Variants in DPYD observed in about 807,000 individuals in gnomAD.
The protein encoded by DPYD is dihydropyrimidine dehydrogenase.
In DPYD, 109 loss-of-function variants were observed where a neutral mutation model predicts 116.2. That is an observed-to-expected ratio of 0.94 (90% CI 0.80 to 1.10). The LOEUF (loss-of-function observed/expected upper bound fraction) is 1.10, where lower values mean the gene tolerates loss of function less well. Among genes scored for constraint, DPYD ranks in the 50% least tolerant of loss-of-function variants. DPYD has a pLI of 0.00. For missense variants in DPYD, 1,302 were observed against 1,254.5 expected (o/e 1.04, Z -0.57); for synonymous variants, 440 against 432.0 (o/e 1.02, Z -0.23).
chr1:97,157,172 C>T (rs867590892), intron 20 of DPYD, among the ~76,000 whole-genome samples: 11 of 150,970 alleles, frequency 7.3e-5, no homozygotes, highest in Non-Finnish European at 5.9e-5. Context: ...TGCTAAATGA[C>T]GAGTTAATGG....
intron 16 of DPYD, among the ~76,000 whole-genome samples, chr1:97,342,022 T>C (rs1310177344): frequency 1.3e-5 from 2 of 152,190 alleles, no homozygotes; most frequent in African/African-American, 2.4e-5. Context: ...TCTCATACTC[T>C]AGTGAGAAGA....
At chr1:97,487,557 C>T (rs1678716758) in intron 13 of DPYD, among the ~76,000 whole-genome samples, 1 of 152,078 alleles carries the variant, frequency 6.6e-6, no homozygotes, top group Admixed American at 6.5e-5. Flanking sequence ...CCTGTAGTCC[C>T]AGCTACTCGG....
At chr1:97,910,481 G>T (rs1673882226) in intron 1 of DPYD, among the ~76,000 whole-genome samples, 1 of 152,002 alleles carries the variant, frequency 6.6e-6, no homozygotes, top group Admixed American at 6.6e-5. Context: ...TATTAAAAAG[G>T]ATGAATCTGT....
intron 1 of DPYD, among the ~76,000 whole-genome samples, chr1:97,886,471 TG>T (rs1406394678): frequency 6.6e-6 from 1 of 152,058 alleles, no homozygotes; most frequent in African/African-American, 2.4e-5. Flanking sequence ...TGATTATCCT[TG>T]CCTCACCTCA....
At chr1:97,908,194 C>CA (rs1673741222) in intron 1 of DPYD, among the ~76,000 whole-genome samples, 1 of 151,906 alleles carries the variant, frequency 6.6e-6, no homozygotes, top group Admixed American at 6.6e-5. Context: ...TACAGGCACA[C>CA]ACCAGCACAC....
At chr1:97,612,139 C>A (rs1037867783) in intron 8 of DPYD, among the ~76,000 whole-genome samples, 6 of 151,792 alleles carry the variant, frequency 4.0e-5, no homozygotes, top group African/African-American at 7.3e-5. Flanking sequence ...GTAGAGAGGG[C>A]AAAATAGACC....
intron 8 of DPYD, among the ~76,000 whole-genome samples, chr1:97,602,802 C>G (rs189891963): frequency 2.6e-5 from 4 of 151,708 alleles, no homozygotes; most frequent in African/African-American, 9.7e-5. Context: ...AAAGAAGTAC[C>G]TTTTTCTTCA....
At chr1:97,721,958 C>T (rs771481555) in intron 4 of DPYD, among the ~76,000 whole-genome samples, 8 of 151,614 alleles carry the variant, frequency 5.3e-5, no homozygotes, top group Non-Finnish European at 1.0e-4. Flanking sequence ...TTTTCATTTA[C>T]AAGTCATCTA....
chr1:97,197,055 C>T (rs1378718917), intron 19 of DPYD, among the ~76,000 whole-genome samples: 4 of 152,124 alleles, frequency 2.6e-5, no homozygotes, highest in African/African-American at 7.2e-5. Flanking sequence ...ATTTTCTATT[C>T]TGAAGTGCTG....
chr1:97,098,871 A>C (rs1309081884), intron 20 of DPYD, among the ~76,000 whole-genome samples: 2 of 152,184 alleles, frequency 1.3e-5, no homozygotes, highest in African/African-American at 4.8e-5. Context: ...TGTATTACAT[A>C]TACAAATGTT....
At chr1:97,282,492 T>C (rs151196577) in intron 18 of DPYD, among the ~76,000 whole-genome samples, 139 of 152,228 alleles carry the variant, frequency 9.1e-4, no homozygotes, top group African/African-American at 3.2e-3. Context: ...CAGAAAATCA[T>C]ATATTTTCTA....
chr1:97,411,693 C>T (rs1674002139), intron 14 of DPYD, among the ~76,000 whole-genome samples: 1 of 152,208 alleles, frequency 6.6e-6, no homozygotes, highest in African/African-American at 2.4e-5. Flanking sequence ...ATTTTTAAAA[C>T]ATCATAGGGT....
At chr1:97,434,712 T>C (rs1333977285) in intron 14 of DPYD, among the ~76,000 whole-genome samples, 1 of 152,088 alleles carries the variant, frequency 6.6e-6, no homozygotes, top group Non-Finnish European at 1.5e-5. Flanking sequence ...AATCTGATGT[T>C]TGGCTTTAAA....
At chr1:97,418,828 A>G (rs965705475) in intron 14 of DPYD, among the ~76,000 whole-genome samples, 1 of 152,172 alleles carries the variant, frequency 6.6e-6, no homozygotes, top group African/African-American at 2.4e-5. Flanking sequence ...TTAGTTTGCC[A>G]GAGTAGACTA....
At chr1:97,245,396 T>A (rs1175753686) in intron 18 of DPYD, among the ~76,000 whole-genome samples, 1 of 152,140 alleles carries the variant, frequency 6.6e-6, no homozygotes, top group Non-Finnish European at 1.5e-5. Flanking sequence ...GCTTTTTGCC[T>A]ACAATTTTAA....
intron 9 of DPYD, among the ~76,000 whole-genome samples, chr1:97,594,281 T>C (rs1381197652): frequency 2.0e-5 from 3 of 152,266 alleles, no homozygotes; most frequent in East Asian, 3.9e-4. Context: ...AGGTGCACTA[T>C]GACCTTCCTC....
chr1:97,491,151 C>A (rs1678952623), intron 13 of DPYD, among the ~76,000 whole-genome samples: 1 of 145,696 alleles, frequency 6.9e-6, no homozygotes, highest in African/African-American at 2.5e-5. Flanking sequence ...AATATAGATA[C>A]TACATAATAA....
chr1:97,877,862 G>A lies in DPYD; in HGVS notation c.150+5402C>T, dbSNP rs950322413. On this transcript the variant is annotated intron_variant, in intron 2 of 22. Transcript: ENST00000370192. ...CCAGTAGCTGGCTATCCATGAAAGC[G>A]TGAATGAGATTGACTGCTAGTTGTA... 3.9e-4 allele frequency among the ~76,000 whole-genome samples: 60 copies of A among 151,936 alleles called. 1 individual carries two copies. Among genetic ancestry groups the A allele is most frequent in the Admixed American group, 3.5e-3 (54 of 15,230 alleles).
At chr1:97,730,378 C>A (rs576269848) in intron 4 of DPYD, among the ~76,000 whole-genome samples, 1 of 152,036 alleles carries the variant, frequency 6.6e-6, no homozygotes, top group Non-Finnish European at 1.5e-5. Context: ...TGCACCATCA[C>A]GCCCGGCTAA....
Sources: allele counts gnomAD v4.1 joint callset (sites outside exome capture counted in the v4.1 genomes callset), GRCh38; gene constraint gnomAD v4.1.1; transcripts MANE v1.5; gene names NCBI Gene and HGNC (gene_info 2026-07-23, HGNC 2026-07-21).